STRBP: variants seen among roughly 807,000 people sequenced by gnomAD.
The protein encoded by STRBP is spermatid perinuclear RNA-binding protein.
A neutral mutation model predicts 80.1 loss-of-function variants in STRBP; 13 were observed. The observed-to-expected ratio is 0.16, with a 90% CI of 0.11 to 0.26. The LOEUF is 0.26. STRBP is among the 10% of genes least tolerant of loss of function. The pLI, the probability that STRBP is intolerant of heterozygous loss-of-function variation, is 1.00. For synonymous variants in STRBP, 284 were observed against 291.2 expected (o/e 0.98, Z 0.25); for missense variants, 485 against 815.2 (o/e 0.59, Z 4.93).
intron 2 of STRBP, among the ~76,000 whole-genome samples, chr9:123,227,553 CTTT>C (rs372469553): frequency 7.7e-6 from 1 of 130,320 alleles, no homozygotes; most frequent in Non-Finnish European, 1.7e-5. Context: ...ATTGTTTTCT[CTTT>C]TTTTTTTTTT....
At chr9:123,168,459 T>A (rs1381305831) in intron 6 of STRBP, among the ~76,000 whole-genome samples, 1 of 152,190 alleles carries the variant, frequency 6.6e-6, no homozygotes, top group Non-Finnish European at 1.5e-5. Flanking sequence ...CAAAAAGCAT[T>A]TTTTTAAAAA....
At chr9:123,230,415 AT>A (rs2040364980) in intron 2 of STRBP, among the ~76,000 whole-genome samples, 1 of 152,178 alleles carries the variant, frequency 6.6e-6, no homozygotes, top group Admixed American at 6.5e-5. Context: ...ATTTTTGTCT[AT>A]TTTATCTAGT....
chr9:123,175,762 C>G (rs1030027645), intron 4 of STRBP, among the ~76,000 whole-genome samples: 3 of 152,134 alleles, frequency 2.0e-5, no homozygotes, highest in Admixed American at 6.6e-5. Flanking sequence ...TTACCTCTCA[C>G]GTAGACCACC....
intron 5 of STRBP, among the ~76,000 whole-genome samples, chr9:123,170,485 T>G (rs375368588): frequency 6.6e-6 from 1 of 152,168 alleles, no homozygotes; most frequent in Non-Finnish European, 1.5e-5. Flanking sequence ...TGGCAAAAAC[T>G]TATGAATATA....
At chr9:123,132,472 C>T (rs930028843) in intron 17 of STRBP, among the ~76,000 whole-genome samples, 4 of 152,096 alleles carry the variant, frequency 2.6e-5, no homozygotes, top group Non-Finnish European at 5.9e-5. Context: ...CCAGGCTTCA[C>T]CCTAATTAAG....
intron 6 of STRBP, among the ~76,000 whole-genome samples, chr9:123,164,119 C>T (rs1366711410): frequency 6.6e-6 from 1 of 152,198 alleles, no homozygotes; most frequent in Non-Finnish European, 1.5e-5. Flanking sequence ...GATCTCGGCT[C>T]ACTGCAACCT....
At chr9:123,193,837 C>T (rs1442588430) in intron 2 of STRBP, among the ~76,000 whole-genome samples, 1 of 152,154 alleles carries the variant, frequency 6.6e-6, no homozygotes, top group Admixed American at 6.5e-5. Flanking sequence ...AAATCCAAGC[C>T]TCTTGGCCAC....
chr9:123,261,698 T>C (rs574025678), intron 1 of STRBP, among the ~76,000 whole-genome samples: 2 of 152,382 alleles, frequency 1.3e-5, no homozygotes, highest in East Asian at 1.9e-4. Flanking sequence ...CCTGGCATTA[T>C]AAGCTCATTC....
chr9:123,147,207 AATT>A (rs915248642), intron 12 of STRBP, among the ~76,000 whole-genome samples, 153 bp from the exon 13 acceptor site: 30 of 152,198 alleles, frequency 2.0e-4, no homozygotes, highest in African/African-American at 6.5e-4. Context: ...GTAATTCTAA[AATT>A]ATTATGCTAA....
chr9:123,125,567 T>C lies in STRBP; in HGVS notation c.*30A>G, dbSNP rs542004985. On this transcript the variant is annotated 3_prime_UTR_variant, in exon 19 of 19. Transcript: ENST00000348403. ...AACATTCTGTGTTGTACTGTATTGT[T>C]GTTCAATAGGAATTAGCTTCTGTCA... The C allele has an allele frequency of 3.7e-6, 6 of 1,608,812 alleles. No homozygotes were observed. The highest frequency in any genetic ancestry group is 4.2e-6 in the Non-Finnish European group (5 of 1,178,332).
At chr9:123,178,927 T>A in intron 4 of STRBP, 80 bp downstream of exon 4, 1 of 1,375,686 alleles carries the variant, frequency 7.3e-7, no homozygotes, top group Non-Finnish European at 1.0e-6. Context: ...AAAAACAGCA[T>A]AACACACACT....
rs2035544036 is a variant in STRBP, at chr9:123,110,307, C to G, written c.*85-554G>C. The G allele has an allele frequency of 6.4e-6, 1 of 156,790 alleles. No homozygotes were observed. Among genetic ancestry groups the G allele is most frequent in the Non-Finnish European group, 1.5e-5 (1 of 68,116 alleles). 9.7% of individuals were successfully genotyped at this position (156,790 alleles called of 1,614,324 possible). A position where few individuals can be genotyped will look rare whatever the true frequency, so the allele number is the denominator to read the frequency against. ...GCTGCAGGGCTAACGGTATGATGAACCTGGCCCTAGGCCAGCCCCTTCCCC... is the reference window on the plus strand; with the variant it reads ...GCTGCAGGGCTAACGGTATGATGAAGCTGGCCCTAGGCCAGCCCCTTCCCC... On this transcript the variant is annotated intron_variant and NMD_transcript_variant, in intron 3 of 3. Transcript: ENST00000471564. This position sits in a 1 kb window ranked among gnomAD's most constrained non-coding sequence, Gnocchi z 4.1.
At chr9:123,238,814 ATTAAAC>A (rs1158397159) in intron 1 of STRBP, among the ~76,000 whole-genome samples, 1 of 152,220 alleles carries the variant, frequency 6.6e-6, no homozygotes, top group Non-Finnish European at 1.5e-5. Flanking sequence ...CTATAACAGA[ATTAAAC>A]TTAAGTATAT....
chr9:123,143,334 C>T lies in STRBP; in HGVS notation c.1338+3521G>A, dbSNP rs956154247. Among the ~76,000 whole-genome samples the T allele has an allele frequency of 3.3e-5, 5 of 152,356 alleles. No homozygotes were observed. In the South Asian group the frequency reaches 1.0e-3, roughly 32 times the overall value. On this transcript the variant is annotated intron_variant, in intron 13 of 18. Coordinates refer to ENST00000348403, the MANE Select transcript of STRBP (RefSeq NM_018387.5). ...AGTGGAAGAGTGAAGGGAAGCCTGG[C>T]CACTAATTCTCCACCACTTTAGGGT...
intron 1 of STRBP, among the ~76,000 whole-genome samples, chr9:123,257,581 C>A (rs1344814054): frequency 6.6e-6 from 1 of 152,164 alleles, no homozygotes; most frequent in East Asian, 1.9e-4. Context: ...TTGGGATACC[C>A]AGGCAGGAGG....
At chr9:123,150,674 T>A (rs1044162946) in intron 11 of STRBP, among the ~76,000 whole-genome samples, 1 of 152,126 alleles carries the variant, frequency 6.6e-6, no homozygotes, top group Non-Finnish European at 1.5e-5. Flanking sequence ...CCTAGGGGCA[T>A]CTTCCTAATC....
intron 13 of STRBP, among the ~76,000 whole-genome samples, chr9:123,145,136 A>G (rs1002327501): frequency 2.0e-5 from 3 of 152,200 alleles, no homozygotes; most frequent in Non-Finnish European, 4.4e-5. Flanking sequence ...CACAAGTCAC[A>G]AGAAACCATT....
chr9:123,125,128 T>A lies in STRBP; in HGVS notation c.*469A>T, dbSNP rs1418661309. On this transcript the variant is annotated 3_prime_UTR_variant, in exon 19 of 19. Coordinates refer to ENST00000348403, the MANE Select transcript of STRBP (RefSeq NM_018387.5). ...AAAGTCTCTATTGTATTAAAAAAAA[T>A]AACTACAGCCCAAATTAAAGTGCCC... 1 of 986,132 alleles carries A rather than the reference T, an allele frequency of 1.0e-6. No individual in the cohort carries two copies. 61.1% of individuals were successfully genotyped at this position (986,132 alleles called of 1,614,324 possible).
At chr9:123,111,439 C>T in intron 3 of STRBP, 2 of 298,822 alleles carry the variant, frequency 6.7e-6, no homozygotes, top group Non-Finnish European at 1.4e-5. Context: ...GTCTGACTCG[C>T]AAAAGCGGCA....
Sources: allele counts gnomAD v4.1 joint callset (sites outside exome capture counted in the v4.1 genomes callset), GRCh38; gene constraint gnomAD v4.1.1; non-coding constraint Gnocchi (gnomAD v3.1); transcripts MANE v1.5; gene names NCBI Gene and HGNC (gene_info 2026-07-23, HGNC 2026-07-21).